The following LRP1B variants were observed in gnomAD, a reference collection of about 807,000 sequenced individuals.
LRP1B encodes the protein low-density lipoprotein receptor-related protein 1B.
Under a neutral mutation model 556.6 loss-of-function variants are expected in LRP1B, and 217 were observed. That is an observed-to-expected ratio of 0.39 (90% CI 0.35 to 0.44). LRP1B has a LOEUF of 0.44. Among genes scored for constraint, LRP1B ranks in the 20% least tolerant of loss-of-function variants. LRP1B has a pLI of 1.00. For synonymous variants in LRP1B, 2,047 were observed against 1,865.8 expected, an observed-to-expected ratio of 1.10 and a Z score of -2.50; for missense variants, 5,053 against 5,620.8, an observed-to-expected ratio of 0.90 and a Z score of 3.23.
chr2:141,717,912 A>G (rs1207734820), intron 2 of LRP1B, among the ~76,000 whole-genome samples: 1 of 152,206 alleles, frequency 6.6e-6, no homozygotes, highest in African/African-American at 2.4e-5. Flanking sequence ...CAACTATCCA[A>G]GTGTAGCTGA....
At chr2:142,000,169 C>T (rs769486690) in intron 1 of LRP1B, among the ~76,000 whole-genome samples, 5 of 151,988 alleles carry the variant, frequency 3.3e-5, no homozygotes, top group Admixed American at 6.6e-5. Context: ...TGTATAATAA[C>T]GTGGCTCCAA....
chr2:141,513,066 T>C (rs916749899), intron 2 of LRP1B, among the ~76,000 whole-genome samples: 29 of 152,162 alleles, frequency 1.9e-4, no homozygotes, highest in African/African-American at 6.8e-4. Flanking sequence ...ATAATTCTCT[T>C]AGCTCCTTAG....
At chr2:140,501,000 A>G (rs982120589) in intron 55 of LRP1B, among the ~76,000 whole-genome samples, 3 of 151,914 alleles carry the variant, frequency 2.0e-5, no homozygotes, top group Non-Finnish European at 4.4e-5. Context: ...CACATTTACA[A>G]AATTGATTTT....
intron 5 of LRP1B, among the ~76,000 whole-genome samples, chr2:141,232,808 T>C (rs1683520635): frequency 6.6e-6 from 1 of 152,118 alleles, no homozygotes; most frequent in Non-Finnish European, 1.5e-5. Flanking sequence ...TTCATGGGTC[T>C]CTGCTAATTA....
intron 18 of LRP1B, among the ~76,000 whole-genome samples, chr2:140,981,268 TAAAC>T (rs1441782329): frequency 6.6e-6 from 1 of 151,986 alleles, no homozygotes; most frequent in African/African-American, 2.4e-5. Flanking sequence ...AAAAATATAA[TAAAC>T]AGAAGGGTTA....
At chr2:140,976,195 C>T (rs1696590967) in intron 18 of LRP1B, among the ~76,000 whole-genome samples, 2 of 152,102 alleles carry the variant, frequency 1.3e-5, no homozygotes, top group Non-Finnish European at 2.9e-5. Context: ...GCTGAGATAA[C>T]AGGCATGAGC....
chr2:142,034,117 G>T (rs986810293), intron 1 of LRP1B, among the ~76,000 whole-genome samples: 1 of 151,520 alleles, frequency 6.6e-6, no homozygotes, highest in Non-Finnish European at 1.5e-5. Context: ...ACTCAAATCT[G>T]CCCTCTCCAC....
At chr2:141,644,729 T>TCTCACA (rs1553441194) in intron 2 of LRP1B, among the ~76,000 whole-genome samples, 2 of 141,520 alleles carry the variant, frequency 1.4e-5, no homozygotes, top group Admixed American at 7.1e-5. Context: ...CAGTCATTGA[T>TCTCACA]CACACACACA....
In LRP1B at chr2:141,411,718, T is replaced by C. The variant is rs79466849; in HGVS notation, c.343+68678A>G. Among the ~76,000 whole-genome samples the C allele has an allele frequency of 3.1e-3, 467 of 152,212 alleles. 25 individuals are homozygous for C. The East Asian group carries it at 0.087, about 28-fold the overall frequency. ...TGGCTTTCATCTGACTTCCTCTGACTTCCAGTGTCAAAAATTGATTATTAT... is the reference window on the plus strand; with the variant it reads ...TGGCTTTCATCTGACTTCCTCTGACCTCCAGTGTCAAAAATTGATTATTAT... On this transcript the variant is annotated intron_variant, in intron 3 of 90. Transcript: ENST00000389484.
intron 5 of LRP1B, among the ~76,000 whole-genome samples, chr2:141,239,552 A>G (rs1320930523): frequency 6.6e-6 from 1 of 152,078 alleles, no homozygotes; most frequent in Non-Finnish European, 1.5e-5. Context: ...CAATTATATG[A>G]GTCTAATCCT....
chr2:140,973,508 A>C (rs1696499936), intron 18 of LRP1B, among the ~76,000 whole-genome samples: 2 of 152,102 alleles, frequency 1.3e-5, no homozygotes, highest in African/African-American at 4.8e-5. Flanking sequence ...AATAAAACCT[A>C]AGAGAACTTT....
At chr2:141,310,813 C>T (rs1206349823) in intron 3 of LRP1B, among the ~76,000 whole-genome samples, 6 of 152,122 alleles carry the variant, frequency 3.9e-5, no homozygotes, top group African/African-American at 1.4e-4. Context: ...GTAAAAGACA[C>T]AGACAAGTTT....
chr2:140,843,417 A>C (rs529825326), intron 29 of LRP1B, among the ~76,000 whole-genome samples: 1 of 152,194 alleles, frequency 6.6e-6, no homozygotes, highest in African/African-American at 2.4e-5. Context: ...ACTTGCCCCA[A>C]GGTATTCAAC....
At chr2:141,899,705 G>GAACAAAACA in intron 1 of LRP1B, among the ~76,000 whole-genome samples, 1 of 151,972 alleles carries the variant, frequency 6.6e-6, no homozygotes, top group East Asian at 1.9e-4. Flanking sequence ...TTTTGTCTTT[G>GAACAAAACA]GAAAATCACA....
At chr2:141,150,218 T>G (rs1701887000) in intron 7 of LRP1B, among the ~76,000 whole-genome samples, 1 of 152,194 alleles carries the variant, frequency 6.6e-6, no homozygotes, top group African/African-American at 2.4e-5. Flanking sequence ...AACAATGAAT[T>G]GTCAAATTAC....
At chr2:142,100,008 A>G (rs1706514508) in intron 1 of LRP1B, among the ~76,000 whole-genome samples, 1 of 151,958 alleles carries the variant, frequency 6.6e-6, no homozygotes, top group East Asian at 1.9e-4. Flanking sequence ...TCATCTTTAT[A>G]TCAAAGAAAT....
intron 3 of LRP1B, among the ~76,000 whole-genome samples, chr2:141,315,709 A>AT (rs1687004652): frequency 6.6e-6 from 1 of 151,980 alleles, no homozygotes; most frequent in Non-Finnish European, 1.5e-5. Flanking sequence ...TCTGACTTTG[A>AT]TGATCATTCA....
chr2:141,754,397 A>G (rs1694246825), intron 2 of LRP1B, among the ~76,000 whole-genome samples: 1 of 152,180 alleles, frequency 6.6e-6, no homozygotes, highest in Non-Finnish European at 1.5e-5. Flanking sequence ...TTTAGTCAGC[A>G]GTGTATAATT....
At chr2:141,485,284 C>T (rs968811472) in intron 2 of LRP1B, among the ~76,000 whole-genome samples, 6 of 152,110 alleles carry the variant, frequency 3.9e-5, no homozygotes, top group African/African-American at 1.2e-4. Context: ...TGAACTGTAC[C>T]ATAACCAGTC....
Sources: allele counts gnomAD v4.1 joint callset (sites outside exome capture counted in the v4.1 genomes callset), GRCh38; gene constraint gnomAD v4.1.1; transcripts MANE v1.5; gene names NCBI Gene and HGNC (gene_info 2026-07-23, HGNC 2026-07-21).